The following DLGAP2 variants were observed in gnomAD, a reference collection of about 807,000 sequenced individuals.
DLGAP2 encodes the protein DLG associated protein 2.
A neutral mutation model predicts 100.3 loss-of-function variants in DLGAP2; 26 were observed. The ratio of observed to expected loss-of-function variants is 0.26; its 90% confidence interval spans 0.19 to 0.36. DLGAP2 has a LOEUF of 0.36. Among genes scored for constraint, DLGAP2 ranks in the 10% least tolerant of loss-of-function variants. The pLI is 1.00. For synonymous variants in DLGAP2, 886 were observed against 630.1 expected (o/e 1.41, Z -6.08); for missense variants, 1,858 against 1,453.2 (o/e 1.28, Z -4.53).
At chr8:1,205,304 G>GC (rs1404094518) in intron 2 of DLGAP2, among the ~76,000 whole-genome samples, 2 of 152,204 alleles carry the variant, frequency 1.3e-5, no homozygotes, top group Non-Finnish European at 2.9e-5. Flanking sequence ...GTCGGGGATA[G>GC]CCCCTGAGGC....
intron 2 of DLGAP2, among the ~76,000 whole-genome samples, chr8:1,151,243 G>C (rs942105240): frequency 3.9e-5 from 6 of 152,144 alleles, no homozygotes; most frequent in African/African-American, 1.4e-4. Flanking sequence ...ACTGACAAAA[G>C]ATAGATTCAT....
At chr8:1,206,033 C>A (rs565467170) in intron 2 of DLGAP2, among the ~76,000 whole-genome samples, 3 of 152,122 alleles carry the variant, frequency 2.0e-5, no homozygotes, top group Non-Finnish European at 4.4e-5. Flanking sequence ...ATCAGCAAAT[C>A]AAGCAGGAAG....
intron 3 of DLGAP2, among the ~76,000 whole-genome samples, chr8:1,392,394 C>T (rs1796384098): frequency 6.6e-6 from 1 of 152,160 alleles, no homozygotes; most frequent in South Asian, 2.1e-4. Flanking sequence ...CAACTCGCGG[C>T]ACTCGGGGAA....
intron 2 of DLGAP2, among the ~76,000 whole-genome samples, chr8:1,191,147 CTAAG>C (rs1797625336): frequency 6.6e-6 from 1 of 151,546 alleles, no homozygotes; most frequent in Non-Finnish European, 1.5e-5. Flanking sequence ...TTTCTTGTAA[CTAAG>C]TGTTTCAATA....
chr8:740,731 G>A (rs1349271074), intron 1 of DLGAP2, among the ~76,000 whole-genome samples: 2 of 152,128 alleles, frequency 1.3e-5, no homozygotes, highest in African/African-American at 4.8e-5. Flanking sequence ...TTGAAGAAAT[G>A]CTATAATTTT....
chr8:1,196,786 G>A (rs1314136514), intron 2 of DLGAP2, among the ~76,000 whole-genome samples: 1 of 152,172 alleles, frequency 6.6e-6, no homozygotes, highest in African/African-American at 2.4e-5. Flanking sequence ...CATGTCAGCT[G>A]CAGCAGTGAT....
At chr8:1,067,735 G>A (rs1585029696) in intron 2 of DLGAP2, among the ~76,000 whole-genome samples, 1 of 142,732 alleles carries the variant, frequency 7.0e-6, no homozygotes, top group East Asian at 2.4e-4. Context: ...CCCCACCCAC[G>A]CCCTCCCTCG....
At chr8:1,561,860 G>T (rs1255363592) in intron 5 of DLGAP2, among the ~76,000 whole-genome samples, 1 of 38,004 alleles carries the variant, frequency 2.6e-5, no homozygotes, top group Non-Finnish European at 5.3e-5. Flanking sequence ...TCGTTACTGG[G>T]GGACTGTGTG....
At chr8:1,423,425 C>T (rs1487592634) in intron 3 of DLGAP2, among the ~76,000 whole-genome samples, 1 of 152,172 alleles carries the variant, frequency 6.6e-6, no homozygotes, top group Non-Finnish European at 1.5e-5. Context: ...ATCCCATAGC[C>T]CACTTTGTGC....
chr8:815,424 C>T (rs1215731461), intron 1 of DLGAP2, among the ~76,000 whole-genome samples: 1 of 152,208 alleles, frequency 6.6e-6, no homozygotes, highest in Non-Finnish European at 1.5e-5. Context: ...CTTTTCAGAC[C>T]ATCACAGTGG....
intron 2 of DLGAP2, among the ~76,000 whole-genome samples, chr8:1,007,469 G>A (rs1260384796): frequency 1.3e-5 from 2 of 152,234 alleles, no homozygotes; most frequent in African/African-American, 4.8e-5. Flanking sequence ...GAGCAAGTCA[G>A]CTGACTTACA....
At chr8:1,601,433 G>T (rs981920206) in intron 6 of DLGAP2, among the ~76,000 whole-genome samples, 1 of 152,214 alleles carries the variant, frequency 6.6e-6, no homozygotes, top group Non-Finnish European at 1.5e-5. Flanking sequence ...CTTCAGAGCC[G>T]AGAGGCAGAA....
At chr8:1,164,611 G>C (rs983862732) in intron 2 of DLGAP2, among the ~76,000 whole-genome samples, 10 of 152,214 alleles carry the variant, frequency 6.6e-5, no homozygotes, top group East Asian at 1.9e-4. Flanking sequence ...GCCCAAGTCA[G>C]AGGGAAGAGC....
At chr8:1,349,040 G>A (rs1202569908) in intron 3 of DLGAP2, among the ~76,000 whole-genome samples, 9 of 151,696 alleles carry the variant, frequency 5.9e-5, no homozygotes, top group Admixed American at 5.9e-4. Flanking sequence ...TTAGCTGCAG[G>A]GTGGAGATGC....
At chr8:1,218,062 T>C (rs1387856495) in intron 2 of DLGAP2, among the ~76,000 whole-genome samples, 1 of 152,210 alleles carries the variant, frequency 6.6e-6, no homozygotes, top group African/African-American at 2.4e-5. Flanking sequence ...TTTGCTCTGT[T>C]GATAGTTTCT....
chr8:1,194,590 C>G (rs550777400), intron 2 of DLGAP2, among the ~76,000 whole-genome samples: 1 of 152,194 alleles, frequency 6.6e-6, no homozygotes, highest in African/African-American at 2.4e-5. Flanking sequence ...CAAGCACCCA[C>G]GCCTGCCTGT....
At chr8:1,229,559 A>G (rs545237339) in intron 2 of DLGAP2, among the ~76,000 whole-genome samples, 1 of 152,228 alleles carries the variant, frequency 6.6e-6, no homozygotes, top group African/African-American at 2.4e-5. Context: ...CTGTGGGATT[A>G]GGTGTAATGT....
At chr8:1,505,245 C>T (rs1258855288) in intron 4 of DLGAP2, among the ~76,000 whole-genome samples, 1 of 152,180 alleles carries the variant, frequency 6.6e-6, no homozygotes, top group Non-Finnish European at 1.5e-5. Context: ...AAAAACACTT[C>T]ATAATGATCT....
intron 2 of DLGAP2, among the ~76,000 whole-genome samples, chr8:1,162,821 G>T (rs758972747): frequency 1.4e-4 from 22 of 152,322 alleles, no homozygotes; most frequent in Non-Finnish European, 2.1e-4. Context: ...TTCTGATCTC[G>T]GGAGGTCCCC....
Sources: allele counts gnomAD v4.1 joint callset (sites outside exome capture counted in the v4.1 genomes callset), GRCh38; gene constraint gnomAD v4.1.1; transcripts MANE v1.5; gene names NCBI Gene and HGNC (gene_info 2026-07-23, HGNC 2026-07-21).